Variants in SRGAP2 observed in about 807,000 individuals in gnomAD.
The protein encoded by SRGAP2 is SLIT-ROBO Rho GTPase-activating protein 2.
Under a neutral mutation model 57.2 loss-of-function variants are expected in SRGAP2, and 15 were observed. The observed-to-expected ratio is 0.26, with a 90% CI of 0.18 to 0.40. The LOEUF is 0.40. SRGAP2 is among the 10% of genes least tolerant of loss of function. The probability of loss-of-function intolerance (pLI) is 1.00; values close to 1 mark genes in which losing one functional copy is unlikely to be tolerated. For missense variants in SRGAP2, 520 were observed against 669.6 expected, an observed-to-expected ratio of 0.78 and a Z score of 2.47; for synonymous variants, 249 against 248.0, an observed-to-expected ratio of 1.00 and a Z score of -0.04.
intron 4 of SRGAP2, among the ~76,000 whole-genome samples, chr1:206,363,724 A>G (rs142379733): frequency 2.4e-4 from 36 of 152,144 alleles, no homozygotes; most frequent in African/African-American, 8.2e-4. Context: ...TGGTTTCCTC[A>G]TGGTTGGATT....
intron 19 of SRGAP2, among the ~76,000 whole-genome samples, chr1:206,451,831 T>G (rs1663338507): frequency 6.6e-6 from 1 of 152,226 alleles, no homozygotes; most frequent in African/African-American, 2.4e-5. Flanking sequence ...TGTAGAGAAC[T>G]AACTGAGGTG....
chr1:206,409,973 T>C (rs527598755), intron 10 of SRGAP2, among the ~76,000 whole-genome samples: 7 of 149,442 alleles, frequency 4.7e-5, no homozygotes, highest in Non-Finnish European at 1.0e-4. Flanking sequence ...TGGTGGCGCA[T>C]GCCTGTAATC....
chr1:206,210,130 C>T lies in SRGAP2; in HGVS notation c.67+4093C>T, dbSNP rs1356486086. On this transcript the variant is annotated intron_variant, in intron 2 of 22. Transcript: ENST00000573034. ...TAGCTTGTTGCTGGGATTGGAGCAG[C>T]GAAGGTGGTAAGTTGCAGGGCATGG... 6.0e-5 allele frequency among the ~76,000 whole-genome samples: 9 copies of T among 150,166 alleles called. No individual in the cohort carries two copies. The South Asian group carries it at 1.1e-3, about 18-fold the overall frequency.
chr1:206,301,054 T>C (rs1553618653), intron 2 of SRGAP2, among the ~76,000 whole-genome samples: 2 of 152,170 alleles, frequency 1.3e-5, no homozygotes, highest in Non-Finnish European at 2.9e-5. Flanking sequence ...TTGTTTGAGA[T>C]GGAGTCTCGC....
chr1:206,413,377 G>A (rs1553360247), intron 10 of SRGAP2, among the ~76,000 whole-genome samples: 1 of 152,190 alleles, frequency 6.6e-6, no homozygotes, highest in African/African-American at 2.4e-5. Flanking sequence ...ATTGGTTGGG[G>A]ATTTGGATAT....
chr1:206,338,078 G>A (rs370856274), intron 3 of SRGAP2, among the ~76,000 whole-genome samples: 13 of 143,932 alleles, frequency 9.0e-5, no homozygotes, highest in East Asian at 6.2e-4. Flanking sequence ...CAGGCAGCAT[G>A]TGACTTTCCG....
chr1:206,427,006 A>G (rs1008676314), intron 13 of SRGAP2, among the ~76,000 whole-genome samples: 26 of 151,850 alleles, frequency 1.7e-4, no homozygotes, highest in African/African-American at 6.1e-4. Context: ...TTTGTTGCCT[A>G]TGCTTTTGAG....
At chr1:206,434,256 G>A (rs1362630200) in intron 14 of SRGAP2, among the ~76,000 whole-genome samples, 1 of 152,062 alleles carries the variant, frequency 6.6e-6, no homozygotes, top group South Asian at 2.1e-4. Context: ...GAAGAGAAGC[G>A]ATTTGAGGAA....
intron 3 of SRGAP2, chr1:206,333,181 T>C (rs1423833495): frequency 4.5e-6 from 2 of 446,382 alleles, no homozygotes; most frequent in African/African-American, 2.1e-5. Context: ...GATCTCCAGC[T>C]GCGTGCTGGG....
intron 19 of SRGAP2, among the ~76,000 whole-genome samples, chr1:206,452,870 A>T (rs1663446764): frequency 7.6e-6 from 1 of 130,800 alleles, no homozygotes; most frequent in Non-Finnish European, 1.6e-5. Context: ...TGAGCGACAG[A>T]GTAAGACTCC....
intron 7 of SRGAP2, among the ~76,000 whole-genome samples, chr1:206,397,335 AG>A (rs1657695167): frequency 1.3e-5 from 2 of 151,266 alleles, no homozygotes. Context: ...GGACTAAGTG[AG>A]GAGCCTGGGA....
intron 14 of SRGAP2, among the ~76,000 whole-genome samples, chr1:206,430,535 C>T (rs1661199178): frequency 1.3e-5 from 2 of 152,176 alleles, no homozygotes; most frequent in African/African-American, 4.8e-5. Flanking sequence ...GTAGTTTCAC[C>T]ATTACTCACA....
chr1:206,331,402 G>A (rs1674342942), intron 3 of SRGAP2, among the ~76,000 whole-genome samples: 1 of 40,622 alleles, frequency 2.5e-5, no homozygotes, highest in Non-Finnish European at 4.2e-5. Context: ...AATGTTGACA[G>A]TGGGGTGTTA....
chr1:206,216,456 G>C (rs1304957758), intron 2 of SRGAP2, among the ~76,000 whole-genome samples: 1 of 150,740 alleles, frequency 6.6e-6, no homozygotes, highest in Non-Finnish European at 1.5e-5. Flanking sequence ...TGTCTGTCTT[G>C]ACCTGGAGTT....
chr1:206,432,748 A>G (rs117020572), intron 14 of SRGAP2, among the ~76,000 whole-genome samples: 1,918 of 152,314 alleles, frequency 0.013, 24 homozygotes, highest in South Asian at 0.027. Flanking sequence ...TAGTAAGTTG[A>G]AAATGTACTC....
chr1:206,221,227 AC>A (rs1461579854), intron 2 of SRGAP2, among the ~76,000 whole-genome samples: 4 of 149,286 alleles, frequency 2.7e-5, no homozygotes, highest in Admixed American at 2.6e-4. Flanking sequence ...GGCATGAGCC[AC>A]CGTACCTGGC....
chr1:206,230,515 C>G (rs1267147072), intron 2 of SRGAP2, among the ~76,000 whole-genome samples: 6 of 149,256 alleles, frequency 4.0e-5, no homozygotes, highest in African/African-American at 7.4e-5. Context: ...ATCACTAATT[C>G]ATTCATGTAC....
At chr1:206,453,747 T>A in intron 20 of SRGAP2, 1 of 257,616 alleles carries the variant, frequency 3.9e-6, no homozygotes, top group Non-Finnish European at 7.2e-6. Flanking sequence ...GGGAAAACAT[T>A]TTTGTTACTC....
At chr1:206,309,252 G>C (rs1326480399) in intron 3 of SRGAP2, among the ~76,000 whole-genome samples, 1 of 151,062 alleles carries the variant, frequency 6.6e-6, no homozygotes, top group Non-Finnish European at 1.5e-5. Context: ...GTAGAGATAT[G>C]AGAACACAGC....
Sources: gnomAD v4.1 joint callset for allele counts (sites outside exome capture counted in the v4.1 genomes callset) on GRCh38, gnomAD v4.1.1 for gene constraint, MANE v1.5 for transcripts, NCBI Gene and HGNC (gene_info 2026-07-23, HGNC 2026-07-21) for gene names.